The following CSTPP1 variants were observed in gnomAD, a reference collection of about 807,000 sequenced individuals.
CSTPP1 encodes UPF0705 protein C11orf49.
the CSTPP1 span, among the ~76,000 whole-genome samples, chr11:47,036,198 TA>T: frequency 1.8e-5 from 1 of 56,898 alleles, no homozygotes; most frequent in African/African-American, 5.3e-5. Flanking sequence ...TTATATTATA[TA>T]TTATATATTA....
At chr11:46,938,626 T>G in the CSTPP1 span, among the ~76,000 whole-genome samples, 1 of 151,758 alleles carries the variant, frequency 6.6e-6, no homozygotes, top group Admixed American at 6.6e-5. Flanking sequence ...AGTCATACAG[T>G]GTGTAAATTT....
chr11:47,027,896 GT>G, the CSTPP1 span, among the ~76,000 whole-genome samples: 1 of 151,498 alleles, frequency 6.6e-6, no homozygotes. Flanking sequence ...CTCACTTGCA[GT>G]GTGGCACATC....
the CSTPP1 span, among the ~76,000 whole-genome samples, chr11:47,054,928 ATTTTTTTT>A: frequency 1.5e-5 from 1 of 68,772 alleles, no homozygotes; most frequent in Non-Finnish European, 2.6e-5. Context: ...ATAAATTTCA[ATTTTTTTT>A]TTTTTTTTTT....
the CSTPP1 span, among the ~76,000 whole-genome samples, chr11:47,018,886 C>G: frequency 6.6e-6 from 1 of 152,146 alleles, no homozygotes; most frequent in Admixed American, 6.5e-5. Flanking sequence ...TGTTTTCCTA[C>G]TATTGAGTTT....
the CSTPP1 span, chr11:47,122,956 T>C: frequency 6.6e-6 from 1 of 152,224 alleles, no homozygotes; most frequent in Non-Finnish European, 1.5e-5. Context: ...TAACTACTAT[T>C]TTTAACTCTG....
the CSTPP1 span, among the ~76,000 whole-genome samples, chr11:46,954,799 TTTC>T: frequency 6.6e-6 from 1 of 151,658 alleles, no homozygotes; most frequent in Non-Finnish European, 1.5e-5. Context: ...GGCCATTTTC[TTTC>T]TTTTTTTTTT....
the CSTPP1 span, among the ~76,000 whole-genome samples, chr11:47,038,508 C>T: frequency 9.1e-6 from 1 of 109,574 alleles, no homozygotes; most frequent in African/African-American, 2.7e-5. Context: ...AGAGGGGCTC[C>T]TCACTTCCCA....
At chr11:46,987,492 T>TG in the CSTPP1 span, 1 of 587,322 alleles carries the variant, frequency 1.7e-6, no homozygotes, top group Non-Finnish European at 3.1e-6. Flanking sequence ...TGCAGCTAGT[T>TG]TGTCCAGTGA....
At chr11:47,146,492 C>T in the CSTPP1 span, among the ~76,000 whole-genome samples, 1 of 151,868 alleles carries the variant, frequency 6.6e-6, no homozygotes, top group Non-Finnish European at 1.5e-5. Flanking sequence ...AACCTTTGGG[C>T]ATATTTTCAT....
chr11:47,122,094 ATAT>A, the CSTPP1 span, among the ~76,000 whole-genome samples: 12 of 100,784 alleles, frequency 1.2e-4, no homozygotes, highest in African/African-American at 3.2e-4. Flanking sequence ...AAAAAAAAAT[ATAT>A]ATATATATAT....
At chr11:46,957,879 C>T in the CSTPP1 span, among the ~76,000 whole-genome samples, 67 of 152,124 alleles carry the variant, frequency 4.4e-4, no homozygotes, top group East Asian at 0.012. Context: ...TTGTATTAGC[C>T]AGAGTTCCCC....
the CSTPP1 span, among the ~76,000 whole-genome samples, chr11:47,012,579 AAG>A: frequency 6.6e-6 from 1 of 152,128 alleles, no homozygotes; most frequent in Non-Finnish European, 1.5e-5. Flanking sequence ...GAAGAGAAAA[AAG>A]AAAAAGAGAA....
chr11:46,999,773 G>T, the CSTPP1 span, among the ~76,000 whole-genome samples: 3 of 152,180 alleles, frequency 2.0e-5, no homozygotes, highest in African/African-American at 7.2e-5. Flanking sequence ...AGCCGTGGGT[G>T]ATTTACCTTT....
chr11:47,087,198 C>T, the CSTPP1 span, among the ~76,000 whole-genome samples: 2 of 151,796 alleles, frequency 1.3e-5, no homozygotes, highest in Non-Finnish European at 2.9e-5. Flanking sequence ...TGATAGCAGG[C>T]TAATTAAATT....
chr11:47,079,964 G>A, the CSTPP1 span, among the ~76,000 whole-genome samples: 3 of 152,032 alleles, frequency 2.0e-5, no homozygotes, highest in African/African-American at 4.8e-5. Flanking sequence ...GGGCATGGTT[G>A]CACACACCTG....
the CSTPP1 span, among the ~76,000 whole-genome samples, chr11:47,027,633 A>G: frequency 6.6e-6 from 1 of 152,208 alleles, no homozygotes. Context: ...TGAAACACCA[A>G]TGTTTAAGTC....
chr11:47,113,505 G>A, the CSTPP1 span, among the ~76,000 whole-genome samples: 1 of 152,168 alleles, frequency 6.6e-6, no homozygotes, highest in Non-Finnish European at 1.5e-5. Flanking sequence ...CTCCTCTCCA[G>A]CATCTATTGT....
chr11:46,951,104 G>A, the CSTPP1 span, among the ~76,000 whole-genome samples: 2 of 152,116 alleles, frequency 1.3e-5, no homozygotes, highest in Non-Finnish European at 2.9e-5. Context: ...AGGTCACTGA[G>A]CTAGTATGTC....
chr11:47,075,847 G>A, the CSTPP1 span, among the ~76,000 whole-genome samples: 1 of 150,486 alleles, frequency 6.6e-6, no homozygotes, highest in Admixed American at 6.6e-5. Context: ...GAACCTGAGA[G>A]GTGGAGGTTG....
Sources: gnomAD v4.1 joint callset for allele counts (sites outside exome capture counted in the v4.1 genomes callset) on GRCh38, gnomAD v4.1.1 for gene constraint, MANE v1.5 for transcripts, NCBI Gene and HGNC (gene_info 2026-07-23, HGNC 2026-07-21) for gene names.